Variants in FANCL observed in about 807,000 individuals in gnomAD.
The protein encoded by FANCL is E3 ubiquitin-protein ligase FANCL.
A neutral mutation model predicts 59.4 loss-of-function variants in FANCL; 69 were observed. The ratio of observed to expected loss-of-function variants is 1.16; its 90% confidence interval spans 0.96 to 1.42. The LOEUF (loss-of-function observed/expected upper bound fraction) is 1.42. Ranked by LOEUF, FANCL falls within the 40% of genes most tolerant of loss-of-function variation. The pLI is 0.00. For missense variants in FANCL, 519 were observed against 447.2 expected, an observed-to-expected ratio of 1.16 and a Z score of -1.45; for synonymous variants, 180 against 147.1, an observed-to-expected ratio of 1.22 and a Z score of -1.62.
intron 5 of FANCL, chr2:58,213,683 G>A (rs1415963301): frequency 6.7e-6 from 1 of 150,216 alleles, no homozygotes; most frequent in Non-Finnish European, 1.5e-5. Flanking sequence ...AGACTCGCCT[G>A]GGCAATACAG....
intron 7 of FANCL, among the ~76,000 whole-genome samples, chr2:58,187,851 T>C (rs1688561571): frequency 6.6e-6 from 1 of 152,168 alleles, no homozygotes; most frequent in Admixed American, 6.5e-5. Flanking sequence ...ACATCAGATA[T>C]ATGATTTGCA....
intron 13 of FANCL, 57 bp downstream of exon 13, chr2:58,160,051 G>T: frequency 6.2e-7 from 1 of 1,606,316 alleles, no homozygotes; most frequent in South Asian, 1.1e-5. Context: ...CTATCTTCTA[G>T]AACATATTAC....
At chr2:58,212,302 T>C (rs1352240252) in intron 5 of FANCL, among the ~76,000 whole-genome samples, 1 of 152,186 alleles carries the variant, frequency 6.6e-6, no homozygotes, top group African/African-American at 2.4e-5. Flanking sequence ...ACTTATTCAT[T>C]ACCATGAGAA....
Position 58,177,869 on chromosome 2 carries a change from A to C in FANCL, c.541-11995T>G, listed in dbSNP as rs184026449. Among the ~76,000 whole-genome samples, 5 of 152,144 alleles carry C rather than the reference A, an allele frequency of 3.3e-5. No individual in the cohort carries two copies. The South Asian group carries it at 8.3e-4, about 25-fold the overall frequency. The stretch of plus-strand genomic sequence containing the variant: ...AGACTAATAAAGAAGAAAAGAGAGA[A>C]GAATCAAATAGACACAATAAAAAAA... On this transcript the variant is annotated intron_variant, in intron 7 of 13. Coordinates refer to ENST00000233741, the MANE Select transcript of FANCL (RefSeq NM_018062.4).
intron 5 of FANCL, among the ~76,000 whole-genome samples, chr2:58,208,874 A>G (rs1270334600): frequency 6.6e-6 from 1 of 152,172 alleles, no homozygotes; most frequent in South Asian, 2.1e-4. Flanking sequence ...AGTCCCTATC[A>G]CCTGCATATA....
At chr2:58,202,422 T>G (rs371504051) in intron 6 of FANCL, among the ~76,000 whole-genome samples, 1 of 151,570 alleles carries the variant, frequency 6.6e-6, no homozygotes, top group Non-Finnish European at 1.5e-5. Flanking sequence ...AAGACAGCTA[T>G]GGTGTATATA....
At chr2:58,174,142 C>T in intron 7 of FANCL, among the ~76,000 whole-genome samples, 1 of 152,110 alleles carries the variant, frequency 6.6e-6, no homozygotes, top group Non-Finnish European at 1.5e-5. Context: ...TAAAACAAGT[C>T]CTGAGTGACC....
intron 5 of FANCL, among the ~76,000 whole-genome samples, chr2:58,213,217 T>C (rs1304359974): frequency 6.6e-6 from 1 of 152,204 alleles, no homozygotes; most frequent in African/African-American, 2.4e-5. Context: ...CAAATCATTG[T>C]GTGTGTCATT....
chr2:58,199,539 A>G (rs77365946), intron 6 of FANCL, among the ~76,000 whole-genome samples: 2,414 of 152,274 alleles, frequency 0.016, 77 homozygotes, highest in African/African-American at 0.056. Flanking sequence ...AACAGTTTTT[A>G]GCAAGAAAAA....
At chr2:58,218,387 T>A (rs933013540) in intron 5 of FANCL, among the ~76,000 whole-genome samples, 2 of 151,848 alleles carry the variant, frequency 1.3e-5, no homozygotes, top group African/African-American at 2.4e-5. Context: ...ATAATTGATA[T>A]GGCTCTTGCA....
chr2:58,201,910 A>G (rs969827657), intron 6 of FANCL, among the ~76,000 whole-genome samples: 1 of 151,874 alleles, frequency 6.6e-6, no homozygotes, highest in African/African-American at 2.4e-5. Flanking sequence ...AAAATCAAGT[A>G]ACAGAAATAA....
chr2:58,159,584 C>T lies in FANCL; in HGVS notation c.*181G>A, dbSNP rs1276621824. 1.2e-6 allele frequency: 2 copies of T among 1,613,772 alleles called. No homozygotes were observed. Among genetic ancestry groups the T allele is most frequent in the African/African-American group, 1.3e-5 (1 of 74,930 alleles). ...GAAAGTTCAACTGGACTTTGGCCTA[C>T]AATTTCCCAGTTTACTCTTAGTGAA... On this transcript the variant is annotated 3_prime_UTR_variant, in exon 14 of 14. Transcript: ENST00000233741.
rs376180961 is a variant in FANCL at position 58,211,032 on chromosome 2, C to T, written c.375-6806G>A. Among the ~76,000 whole-genome samples, 19 of 152,258 alleles carry T rather than the reference C, an allele frequency of 1.2e-4. 1 individual carries two copies. Among genetic ancestry groups the T allele is most frequent in the African/African-American group, 4.3e-4 (18 of 41,538 alleles). On this transcript the variant is annotated intron_variant, in intron 5 of 13. Coordinates refer to ENST00000233741, the MANE Select transcript of FANCL (RefSeq NM_018062.4). ...CATTCTGGGGTCTGGAAGATGGTGG[C>T]CCTCTTCTCACAGCTACACTAGGCG...
intron 7 of FANCL, among the ~76,000 whole-genome samples, chr2:58,189,528 G>C (rs1688723451): frequency 6.6e-6 from 1 of 152,100 alleles, no homozygotes; most frequent in East Asian, 1.9e-4. Flanking sequence ...TTGGAGAAGA[G>C]GGAAAGATAT....
chr2:58,214,967 A>T (rs1316318559), intron 5 of FANCL, among the ~76,000 whole-genome samples: 1 of 152,204 alleles, frequency 6.6e-6, no homozygotes, highest in Non-Finnish European at 1.5e-5. Context: ...CACTTCTCTC[A>T]ACCATGTCAG....
intron 4 of FANCL, among the ~76,000 whole-genome samples, chr2:58,225,986 A>T (rs1319010640): frequency 6.6e-6 from 1 of 152,068 alleles, no homozygotes; most frequent in Non-Finnish European, 1.5e-5. Flanking sequence ...TATTGAGGTT[A>T]TAATAATATA....
At chr2:58,185,434 T>TTG (rs1382435130) in intron 7 of FANCL, among the ~76,000 whole-genome samples, 3 of 152,120 alleles carry the variant, frequency 2.0e-5, no homozygotes, top group Non-Finnish European at 4.4e-5. Flanking sequence ...ACCATCCAAC[T>TTG]AGCATATCTG....
chr2:58,179,524 C>G (rs1018591188), intron 7 of FANCL, among the ~76,000 whole-genome samples: 1 of 152,158 alleles, frequency 6.6e-6, no homozygotes, highest in African/African-American at 2.4e-5. Context: ...GGAAAACTGG[C>G]TAGCCATATG....
At chr2:58,204,090 G>C in intron 6 of FANCL, 40 bp downstream of exon 6, 1 of 1,460,850 alleles carries the variant, frequency 6.8e-7, no homozygotes, top group Non-Finnish European at 9.6e-7. Context: ...ATTTCACAAA[G>C]TATTTTCTGA....
Sources: allele counts gnomAD v4.1 joint callset (sites outside exome capture counted in the v4.1 genomes callset), GRCh38; gene constraint gnomAD v4.1.1; transcripts MANE v1.5; gene names NCBI Gene and HGNC (gene_info 2026-07-23, HGNC 2026-07-21).